The following ACOXL variants were observed in gnomAD, a reference collection of about 807,000 sequenced individuals.
ACOXL encodes acyl-CoA oxidase like, also known as acyl-coenzyme A oxidase-like protein.
A neutral mutation model predicts 71.9 loss-of-function variants in ACOXL; 70 were observed. That is an observed-to-expected ratio of 0.97 (90% CI 0.80 to 1.19). ACOXL has a LOEUF of 1.19. ACOXL is among the 50% of genes most tolerant of loss of function. The probability of loss-of-function intolerance (pLI) is 0.00; values close to 1 mark genes in which losing one functional copy is unlikely to be tolerated. For synonymous variants in ACOXL, 253 were observed against 281.6 expected, an observed-to-expected ratio of 0.90 and a Z score of 1.02; for missense variants, 703 against 736.3, an observed-to-expected ratio of 0.95 and a Z score of 0.52.
intron 9 of ACOXL, among the ~76,000 whole-genome samples, chr2:110,838,861 C>T (rs1216330733): frequency 1.3e-5 from 2 of 152,202 alleles, no homozygotes; most frequent in South Asian, 2.1e-4. Context: ...CCCCAGTTGT[C>T]GTGTGCCCTT....
intron 11 of ACOXL, among the ~76,000 whole-genome samples, chr2:110,911,273 A>C (rs1379258075): frequency 6.6e-6 from 1 of 152,116 alleles, no homozygotes; most frequent in Non-Finnish European, 1.5e-5. Flanking sequence ...AAACAGCTTT[A>C]ATAGTGAATT....
At chr2:110,960,657 T>C (rs2061667371) in intron 12 of ACOXL, among the ~76,000 whole-genome samples, 1 of 120,800 alleles carries the variant, frequency 8.3e-6, no homozygotes, top group African/African-American at 2.9e-5. Flanking sequence ...AATGACTTTT[T>C]TCTTTTGGGT....
intron 11 of ACOXL, among the ~76,000 whole-genome samples, chr2:110,911,985 T>C (rs1409377361): frequency 2.6e-5 from 4 of 152,084 alleles, no homozygotes; most frequent in African/African-American, 9.6e-5. Context: ...AAAAATTTAT[T>C]AGAAATGACA....
intron 1 of ACOXL, among the ~76,000 whole-genome samples, chr2:110,759,003 C>G (rs1390424198): frequency 6.6e-6 from 1 of 152,142 alleles, no homozygotes; most frequent in Non-Finnish European, 1.5e-5. Context: ...ATTTCTTAAT[C>G]TTGAGTTCTA....
intron 11 of ACOXL, among the ~76,000 whole-genome samples, chr2:110,911,566 A>G (rs1339362882): frequency 6.6e-6 from 1 of 152,120 alleles, no homozygotes; most frequent in African/African-American, 2.4e-5. Flanking sequence ...GGTTTAACAT[A>G]TCAAAAACAA....
At chr2:110,944,781 A>G (rs1397146369) in intron 12 of ACOXL, among the ~76,000 whole-genome samples, 1 of 152,142 alleles carries the variant, frequency 6.6e-6, no homozygotes, top group Non-Finnish European at 1.5e-5. Context: ...TGTCTTTGCT[A>G]TTGTAAATAG....
At chr2:111,115,732 C>T (rs2070305286) in intron 17 of ACOXL, 1 of 152,170 alleles carries the variant, frequency 6.6e-6, no homozygotes, top group African/African-American at 2.4e-5. Flanking sequence ...GTATTTTAAA[C>T]TGCTCCAGAA....
intron 10 of ACOXL, among the ~76,000 whole-genome samples, chr2:110,893,260 ATAAG>A (rs1238210527): frequency 2.6e-5 from 4 of 152,294 alleles, no homozygotes; most frequent in Admixed American, 1.3e-4. Context: ...GCTTCTATAA[ATAAG>A]TAAGAAAAAT....
intron 1 of ACOXL, among the ~76,000 whole-genome samples, chr2:110,760,051 G>C (rs1680186600): frequency 6.6e-6 from 1 of 151,536 alleles, no homozygotes; most frequent in Non-Finnish European, 1.5e-5. Context: ...TGTGTATCCT[G>C]CTAACTCTTA....
intron 12 of ACOXL, among the ~76,000 whole-genome samples, chr2:110,972,793 A>G (rs2062267760): frequency 6.6e-6 from 1 of 152,208 alleles, no homozygotes; most frequent in African/African-American, 2.4e-5. Context: ...TAATTCCTCC[A>G]ACAACAAATT....
At chr2:111,022,873 A>G (rs1292723368) in intron 14 of ACOXL, among the ~76,000 whole-genome samples, 3 of 152,210 alleles carry the variant, frequency 2.0e-5, no homozygotes, top group Non-Finnish European at 2.9e-5. Context: ...AAGGAGGAAG[A>G]AAAAAGACTC....
At chr2:110,918,128 T>A (rs992797475) in intron 11 of ACOXL, among the ~76,000 whole-genome samples, 4 of 152,178 alleles carry the variant, frequency 2.6e-5, no homozygotes, top group Non-Finnish European at 4.4e-5. Context: ...AGAACAAAGC[T>A]GGAGGCATCA....
intron 10 of ACOXL, among the ~76,000 whole-genome samples, chr2:110,849,329 A>C (rs1405370048): frequency 1.3e-5 from 2 of 152,198 alleles, no homozygotes; most frequent in Non-Finnish European, 2.9e-5. Flanking sequence ...CCCCTGGAAA[A>C]TGACCCCTCC....
intron 17 of ACOXL, among the ~76,000 whole-genome samples, chr2:111,109,669 C>CTTTTT (rs1392518341): frequency 3.6e-4 from 30 of 83,102 alleles, no homozygotes; most frequent in African/African-American, 5.2e-4. Flanking sequence ...TTTTCTCCTT[C>CTTTTT]TATTTTTTTT....
chr2:110,954,621 C>T (rs1384988267), intron 12 of ACOXL, among the ~76,000 whole-genome samples: 2 of 152,228 alleles, frequency 1.3e-5, no homozygotes, highest in African/African-American at 4.8e-5. Context: ...TGAGCTCCCA[C>T]CCTCTAAACT....
At chr2:111,075,447 T>C (rs2067552673) in intron 16 of ACOXL, among the ~76,000 whole-genome samples, 1 of 135,068 alleles carries the variant, frequency 7.4e-6, no homozygotes, top group Non-Finnish European at 1.6e-5. Flanking sequence ...TCTTTCATTT[T>C]TGATTTCAGT....
At chr2:111,005,179 C>T (rs2063814442) in intron 14 of ACOXL, among the ~76,000 whole-genome samples, 1 of 152,160 alleles carries the variant, frequency 6.6e-6, no homozygotes, top group African/African-American at 2.4e-5. Context: ...GTGGTGTCCC[C>T]CACTTCAGGG....
At position 110,933,547 on chromosome 2, in the gene ACOXL, C is replaced by T. The variant is rs761657706; in HGVS notation, c.964C>T (p.Arg322Cys). The change falls in exon 12 of 18, where the codon CGC (arginine) becomes TGC (cysteine). Residue 322 changes from arginine (R) to cysteine (C), a missense_variant. Transcript: ENST00000439055. ...CCAGGGAAAGGAGCTGGTCAACAGT[C>T]GCTCGCTGCAGGCTCTGGTGGCGGG... ...VFQGKELVNS[R>C]SLQALVAGLK... The T allele has an allele frequency of 5.0e-6, 8 of 1,614,178 alleles. No homozygotes were observed. Among genetic ancestry groups the T allele is most frequent in the Middle Eastern group, 1.7e-4 (1 of 6,052 alleles).
chr2:111,100,366 G>A (rs2069063957), intron 17 of ACOXL: 1 of 152,654 alleles, frequency 6.6e-6, no homozygotes, highest in Admixed American at 6.5e-5. Context: ...ACGCACAGCA[G>A]GGAGGAAGGC....
Sources: allele counts gnomAD v4.1 joint callset (sites outside exome capture counted in the v4.1 genomes callset), GRCh38; gene constraint gnomAD v4.1.1; transcripts MANE v1.5; gene names NCBI Gene and HGNC (gene_info 2026-07-23, HGNC 2026-07-21).